SAMTOR: variants seen among roughly 807,000 people sequenced by gnomAD.
SAMTOR encodes S-adenosylmethionine sensor upstream of mTORC1.
chr7:112,895,816 T>A, the SAMTOR span: 1 of 971,296 alleles, frequency 1.0e-6, no homozygotes, highest in African/African-American at 1.7e-5. Context: ...TGGCTTTTAT[T>A]AATCAAGATG....
At chr7:112,922,319 C>T in the SAMTOR span, among the ~76,000 whole-genome samples, 3 of 152,310 alleles carry the variant, frequency 2.0e-5, no homozygotes, top group South Asian at 4.1e-4. Context: ...CCTCCACCTC[C>T]CAGCTGCCTG....
At chr7:112,874,762 T>C in the SAMTOR span, among the ~76,000 whole-genome samples, 2 of 152,342 alleles carry the variant, frequency 1.3e-5, no homozygotes, top group South Asian at 4.1e-4. Flanking sequence ...CTTTTATTAC[T>C]TTCCATGTTA....
chr7:112,896,761 A>C, the SAMTOR span, among the ~76,000 whole-genome samples: 1 of 152,210 alleles, frequency 6.6e-6, no homozygotes, highest in Non-Finnish European at 1.5e-5. Context: ...ATAAACAGAT[A>C]AACAAAGATA....
At chr7:112,895,685 A>G in the SAMTOR span, 3 of 1,582,380 alleles carry the variant, frequency 1.9e-6, 1 homozygote, top group South Asian at 3.4e-5. Flanking sequence ...CTCTTTTTTC[A>G]TCTTTCTCAA....
the SAMTOR span, chr7:112,939,403 G>C: frequency 3.7e-6 from 3 of 814,442 alleles, no homozygotes; most frequent in East Asian, 8.1e-5. Flanking sequence ...TCAAAGAAAA[G>C]GGGGCGGGGA....
the SAMTOR span, among the ~76,000 whole-genome samples, chr7:112,830,996 G>C: frequency 1.8e-4 from 27 of 151,502 alleles, no homozygotes; most frequent in South Asian, 4.8e-3. Context: ...TGATGGAGAG[G>C]TTCAAACCTA....
At chr7:112,834,823 C>G in the SAMTOR span, among the ~76,000 whole-genome samples, 1 of 152,120 alleles carries the variant, frequency 6.6e-6, no homozygotes, top group Non-Finnish European at 1.5e-5. Flanking sequence ...ATTCACCTCA[C>G]TCCATCCCAT....
the SAMTOR span, among the ~76,000 whole-genome samples, chr7:112,934,473 T>C: frequency 3.9e-5 from 6 of 152,338 alleles, no homozygotes; most frequent in South Asian, 1.2e-3. Flanking sequence ...GAAAGAAATA[T>C]TGGCATCATC....
the SAMTOR span, among the ~76,000 whole-genome samples, chr7:112,911,061 G>A: frequency 2.0e-5 from 3 of 152,102 alleles, no homozygotes. Flanking sequence ...GCCTTCCAGG[G>A]TAGAAATACT....
chr7:112,829,551 C>A, the SAMTOR span, among the ~76,000 whole-genome samples: 5 of 152,106 alleles, frequency 3.3e-5, no homozygotes, highest in African/African-American at 9.7e-5. Context: ...TATTTTCTTG[C>A]TGCTTTGCAT....
At chr7:112,892,567 G>C in the SAMTOR span, among the ~76,000 whole-genome samples, 1 of 152,060 alleles carries the variant, frequency 6.6e-6, no homozygotes, top group African/African-American at 2.4e-5. Flanking sequence ...CCAGAAATTT[G>C]AGACCTGCCT....
chr7:112,895,798 G>GA, the SAMTOR span: 3 of 1,217,504 alleles, frequency 2.5e-6, no homozygotes. Context: ...AAATAAGACG[G>GA]AAAAAATTGG....
At chr7:112,910,205 G>C in the SAMTOR span, among the ~76,000 whole-genome samples, 1 of 151,784 alleles carries the variant, frequency 6.6e-6, no homozygotes, top group African/African-American at 2.4e-5. Context: ...AAAAATCCAA[G>C]ATGTTACTGT....
the SAMTOR span, among the ~76,000 whole-genome samples, chr7:112,868,967 C>G: frequency 0.011 from 1,617 of 152,248 alleles, 30 homozygotes; most frequent in African/African-American, 0.037. Flanking sequence ...GGTTGCGGGA[C>G]AGTAGCCCAC....
chr7:112,928,954 T>C, the SAMTOR span, among the ~76,000 whole-genome samples: 2 of 151,822 alleles, frequency 1.3e-5, no homozygotes, highest in African/African-American at 4.8e-5. Context: ...CACCACCAAA[T>C]AGATAAAGAA....
At chr7:112,837,171 TC>T in the SAMTOR span, among the ~76,000 whole-genome samples, 1 of 152,118 alleles carries the variant, frequency 6.6e-6, no homozygotes, top group Admixed American at 6.6e-5. Flanking sequence ...TTAGCTGTAT[TC>T]TAGGTATTTT....
At chr7:112,832,984 C>T in the SAMTOR span, among the ~76,000 whole-genome samples, 79 of 152,008 alleles carry the variant, frequency 5.2e-4, 3 homozygotes, top group East Asian at 0.011. Flanking sequence ...GCTGTATTGC[C>T]CAGGCTGGTC....
At chr7:112,902,442 A>AC in the SAMTOR span, among the ~76,000 whole-genome samples, 1 of 134,212 alleles carries the variant, frequency 7.5e-6, no homozygotes, top group South Asian at 2.4e-4. Flanking sequence ...AAAAAAACAA[A>AC]AAAAAACAAA....
chr7:112,932,933 A>T, the SAMTOR span, among the ~76,000 whole-genome samples: 5 of 152,346 alleles, frequency 3.3e-5, no homozygotes, highest in East Asian at 9.6e-4. Context: ...TCTAGATTTA[A>T]AGTTGTTAAA....
Sources: gnomAD v4.1 joint callset for allele counts (sites outside exome capture counted in the v4.1 genomes callset) on GRCh38, gnomAD v4.1.1 for gene constraint, MANE v1.5 for transcripts, NCBI Gene and HGNC (gene_info 2026-07-23, HGNC 2026-07-21) for gene names.